PNPLA7: variants seen among roughly 807,000 people sequenced by gnomAD.
PNPLA7 encodes the protein patatin like domain 7, lysophospholipase.
PNPLA7 carries 153 observed loss-of-function variants against 161.7 expected under a neutral mutation model. The ratio of observed to expected loss-of-function variants is 0.95; its 90% confidence interval spans 0.83 to 1.08. The LOEUF (loss-of-function observed/expected upper bound fraction) is 1.08. Ranked by LOEUF, PNPLA7 falls within the 50% of genes least tolerant of loss-of-function variation. The pLI is 0.00. For missense variants in PNPLA7, 1,739 were observed against 1,856.6 expected, an observed-to-expected ratio of 0.94 and a Z score of 1.16; for synonymous variants, 809 against 782.1, an observed-to-expected ratio of 1.03 and a Z score of -0.57.
chr9:137,502,009 AAG>A (rs1450773816), intron 14 of PNPLA7, among the ~76,000 whole-genome samples: 1 of 152,248 alleles, frequency 6.6e-6, no homozygotes, highest in Non-Finnish European at 1.5e-5. Flanking sequence ...ATTTACGTAA[AAG>A]AGAGAGGATG....
At chr9:137,495,003 G>A (rs767064208) in intron 19 of PNPLA7, 30 bp downstream of exon 19, 19 of 1,571,648 alleles carry the variant, frequency 1.2e-5, no homozygotes, top group African/African-American at 5.4e-5. Flanking sequence ...ACCCTCATCC[G>A]CTCCGCATCC....
At chr9:137,548,900 A>G (rs1397178819) in intron 1 of PNPLA7, among the ~76,000 whole-genome samples, 4 of 152,216 alleles carry the variant, frequency 2.6e-5, no homozygotes, top group Admixed American at 2.6e-4. Flanking sequence ...CTTCTGCTTC[A>G]GGACAGGGGA....
chr9:137,463,714 C>T (rs1010120590), intron 28 of PNPLA7, among the ~76,000 whole-genome samples, 183 bp from the exon 29 acceptor site: 13 of 152,150 alleles, frequency 8.5e-5, no homozygotes, highest in African/African-American at 2.9e-4. Flanking sequence ...GGTCGCACTG[C>T]ATTACATGTG....
At chr9:137,519,743 C>A (rs952875244) in intron 11 of PNPLA7, among the ~76,000 whole-genome samples, 174 bp downstream of exon 11, 1 of 151,354 alleles carries the variant, frequency 6.6e-6, no homozygotes, top group Non-Finnish European at 1.5e-5. Flanking sequence ...ACCTGGGGGG[C>A]ATGTGAGGTG....
chr9:137,516,897 G>A (rs189384237), intron 11 of PNPLA7, among the ~76,000 whole-genome samples: 25 of 151,818 alleles, frequency 1.6e-4, no homozygotes, highest in African/African-American at 2.7e-4. Context: ...CCAGAGCTGC[G>A]TTTAAAGGTG....
intron 1 of PNPLA7, among the ~76,000 whole-genome samples, chr9:137,549,486 C>A (rs775071910): frequency 1.4e-5 from 2 of 147,062 alleles, no homozygotes; most frequent in Non-Finnish European, 3.0e-5. Flanking sequence ...AGGAGAATGG[C>A]GTGAACCTGG....
chr9:137,516,385 A>G, intron 11 of PNPLA7: 1 of 984,852 alleles, frequency 1.0e-6, no homozygotes, highest in Non-Finnish European at 1.2e-6. Context: ...GTCCTTACCT[A>G]CAGAGGCCCA....
rs1043476621 is a variant in PNPLA7 at position 137,467,907 on chromosome 9, A to G, written c.2883-434T>C. Among the ~76,000 whole-genome samples the G allele has an allele frequency of 6.6e-6, 1 of 152,098 alleles. No homozygotes were observed. The highest frequency in any genetic ancestry group is 1.5e-5 in the Non-Finnish European group (1 of 68,018). ...AGTGAGACTCTGACTCAAAATAAAT[A>G]AATAAATAAATTAATTAAATAAATG... On this transcript the variant is annotated intron_variant, in intron 25 of 34. Transcript: ENST00000406427. The surrounding 1 kb of genome is among the most constrained non-coding windows in gnomAD (Gnocchi z 5.1).
Position 137,463,974 on chromosome 9 carries a change from A to AG in PNPLA7, c.3226+151dup, listed in dbSNP as rs1442886795. 5 of 861,700 alleles carry AG rather than the reference A, an allele frequency of 5.8e-6. No individual in the cohort carries two copies. The African/African-American group carries it at 8.5e-5, about 15-fold the overall frequency. The allele number at this position is 861,700 out of a possible 1,614,324, so 53.4% of individuals were successfully genotyped here. On this transcript the variant is annotated intron_variant, in intron 28 of 34. Coordinates refer to ENST00000406427, the MANE Select transcript of PNPLA7 (RefSeq NM_001098537.3). ...GCCCCCTCCTGTCTGTGCCCCTAGTAGGGGCATCCTGTGTCCTCCATGGAC... is the reference window on the plus strand; with the variant it reads ...GCCCCCTCCTGTCTGTGCCCCTAGTAGGGGGCATCCTGTGTCCTCCATGGAC...
chr9:137,542,217 C>T (rs1370856924), intron 7 of PNPLA7, among the ~76,000 whole-genome samples: 5 of 152,160 alleles, frequency 3.3e-5, no homozygotes, highest in South Asian at 2.1e-4. Context: ...GCCTGTAATT[C>T]CAGTGCTCTG....
chr9:137,469,053 C>A (rs1831601412), intron 25 of PNPLA7, among the ~76,000 whole-genome samples: 2 of 151,940 alleles, frequency 1.3e-5, no homozygotes, highest in African/African-American at 4.8e-5. Context: ...TCAGAAAAAA[C>A]AAAACAAAAA....
intron 23 of PNPLA7, 32 bp from the exon 24 acceptor site, chr9:137,479,270 G>T: frequency 6.7e-7 from 1 of 1,491,716 alleles, no homozygotes; most frequent in Non-Finnish European, 9.0e-7. Context: ...TCTGCCAGCC[G>T]GGTGAGCCTG....
chr9:137,535,774 G>GA (rs1280217441), intron 8 of PNPLA7, among the ~76,000 whole-genome samples: 6 of 144,986 alleles, frequency 4.1e-5, no homozygotes, highest in Non-Finnish European at 7.6e-5. Context: ...AAAATTAACA[G>GA]AAAAAACCTC....
At chr9:137,527,069 C>A (rs979386730) in intron 8 of PNPLA7, among the ~76,000 whole-genome samples, 2 of 151,996 alleles carry the variant, frequency 1.3e-5, no homozygotes, top group Admixed American at 1.3e-4. Context: ...GAATTCAAGA[C>A]CAGCCTGGCC....
chr9:137,549,545 G>A (rs556752014), intron 1 of PNPLA7, among the ~76,000 whole-genome samples: 3 of 150,124 alleles, frequency 2.0e-5, no homozygotes, highest in East Asian at 1.9e-4. Flanking sequence ...AATCCAGCTT[G>A]GGCGACAGAG....
chr9:137,504,122 GA>G (rs1272237792), intron 14 of PNPLA7, among the ~76,000 whole-genome samples: 1 of 138,190 alleles, frequency 7.2e-6, no homozygotes, highest in Non-Finnish European at 1.6e-5. Flanking sequence ...AGAAGAAGAA[GA>G]AAAAAGGAAG....
At chr9:137,501,292 A>G (rs1208335549) in intron 15 of PNPLA7, among the ~76,000 whole-genome samples, 5 of 152,108 alleles carry the variant, frequency 3.3e-5, no homozygotes, top group Admixed American at 3.3e-4. Context: ...AGCCCCCGGC[A>G]CACGCCACGC....
At chr9:137,521,866 G>T in intron 9 of PNPLA7, 150 bp from the exon 10 acceptor site, 1 of 578,848 alleles carries the variant, frequency 1.7e-6, no homozygotes, top group Non-Finnish European at 3.0e-6. Context: ...CCGCAGACTT[G>T]ACACCTCACC....
chr9:137,503,426 A>G (rs1303761125), intron 14 of PNPLA7, among the ~76,000 whole-genome samples: 1 of 135,384 alleles, frequency 7.4e-6, no homozygotes, highest in South Asian at 2.6e-4. Flanking sequence ...AGAAAGAAAG[A>G]AGGAGAATGA....
Sources: allele counts gnomAD v4.1 joint callset (sites outside exome capture counted in the v4.1 genomes callset), GRCh38; gene constraint gnomAD v4.1.1; non-coding constraint Gnocchi (gnomAD v3.1); transcripts MANE v1.5; gene names NCBI Gene and HGNC (gene_info 2026-07-23, HGNC 2026-07-21).